Variants in CLMN observed in about 807,000 individuals in gnomAD.
CLMN encodes calmin.
In CLMN, 57 loss-of-function variants were observed where a neutral mutation model predicts 92.7. The observed-to-expected ratio is 0.61, with a 90% CI of 0.50 to 0.77. The LOEUF is 0.77. CLMN is among the 30% of genes least tolerant of loss of function. The pLI is 0.00. For synonymous variants in CLMN, 466 were observed against 470.6 expected (o/e 0.99, Z 0.13); for missense variants, 1,158 against 1,237.5 (o/e 0.94, Z 0.96).
At position 95,305,082 on chromosome 14, in the gene CLMN, A is replaced by G. The variant is rs116349480; in HGVS notation, c.82+14629T>C. 1.9e-3 allele frequency among the ~76,000 whole-genome samples: 287 copies of G among 152,342 alleles called. 3 individuals carry two copies. The highest frequency in any genetic ancestry group is 6.6e-3 in the African/African-American group (274 of 41,580). On this transcript the variant is annotated intron_variant, in intron 1 of 12. Coordinates refer to ENST00000298912, the MANE Select transcript of CLMN (RefSeq NM_024734.4). ...AACACGAAAGCTTCAGATCAAGCGA[A>G]GCCAAGAGAAAGGGTGCACAGGTCC...
At chr14:95,236,443 G>T (rs1158950069) in intron 1 of CLMN, among the ~76,000 whole-genome samples, 3 of 152,368 alleles carry the variant, frequency 2.0e-5, no homozygotes, top group Admixed American at 1.3e-4. Flanking sequence ...TCAGCCCGGG[G>T]TGATGGCTCC....
chr14:95,211,353 C>T lies in CLMN; in HGVS notation c.609-474G>A, dbSNP rs116289130. ...TTGCTGGGGCTTTTGTGGGGAAAGT[C>T]GAGCCTGGCCCCAGAAGAACGGCCA... On this transcript the variant is annotated intron_variant, in intron 6 of 12. Transcript: ENST00000298912. Among the ~76,000 whole-genome samples, 1,014 of 152,214 alleles carry T rather than the reference C, an allele frequency of 6.7e-3. 20 individuals are homozygous for T. Among genetic ancestry groups the T allele is most frequent in the African/African-American group, 0.023 (948 of 41,528 alleles).
chr14:95,208,001 C>T (rs939607314), intron 8 of CLMN, among the ~76,000 whole-genome samples: 5 of 152,110 alleles, frequency 3.3e-5, no homozygotes, highest in Admixed American at 1.3e-4. Flanking sequence ...TCCTTATTTT[C>T]GTTTATAAAA....
rs1373447946 is a variant in CLMN at position 95,203,101 on chromosome 14, G to T, written c.2248C>A (p.Leu750Ile). ...LEAYVEDPED[L>I]KNEEMDLEEP... Reference sequence around the variant, plus strand: ...TCGAGATCCATTTCTTCATTTTTTAGATCCTCCGGGTCTTCTACATAAGCC... The same window carrying T: ...TCGAGATCCATTTCTTCATTTTTTATATCCTCCGGGTCTTCTACATAAGCC... Residue 750 changes from leucine to isoleucine, a missense_variant, in exon 9 of 13, where the codon CTA (leucine) becomes ATA (isoleucine). Leu to Ile is a conservative substitution (Grantham distance 5). Transcript: ENST00000298912. 1.2e-6 allele frequency: 2 copies of T among 1,613,682 alleles called. No individual in the cohort carries two copies. The highest frequency in any genetic ancestry group is 1.7e-5 in the Admixed American group (1 of 60,032).
chr14:95,261,785 G>A (rs1396161138), intron 1 of CLMN, among the ~76,000 whole-genome samples: 1 of 152,220 alleles, frequency 6.6e-6, no homozygotes, highest in Non-Finnish European at 1.5e-5. Flanking sequence ...GGGCAGTTAT[G>A]CCCCAGATGA....
At chr14:95,201,318 G>C (rs1050335574) in intron 9 of CLMN, among the ~76,000 whole-genome samples, 1 of 151,800 alleles carries the variant, frequency 6.6e-6, no homozygotes, top group Non-Finnish European at 1.5e-5. Flanking sequence ...TCAGCTTGGA[G>C]ACCCTTGGGA....
intron 7 of CLMN, 71 bp from the exon 8 acceptor site, chr14:95,209,548 T>G (rs1306886822): frequency 1.7e-6 from 2 of 1,198,552 alleles, no homozygotes; most frequent in Non-Finnish European, 2.5e-6. Context: ...CCCGGATGCC[T>G]GATGGTGAAG....
chr14:95,258,954 GTGTT>G (rs938025919), intron 1 of CLMN, among the ~76,000 whole-genome samples: 1 of 150,840 alleles, frequency 6.6e-6, no homozygotes, highest in Non-Finnish European at 1.5e-5. Flanking sequence ...AATGGAGTAT[GTGTT>G]TGTGTGTATG....
intron 4 of CLMN, among the ~76,000 whole-genome samples, chr14:95,216,930 C>T (rs914872911): frequency 1.3e-5 from 2 of 152,152 alleles, no homozygotes; most frequent in Non-Finnish European, 2.9e-5. Context: ...AGTAAGTGCG[C>T]CAGGTGATTC....
intron 1 of CLMN, among the ~76,000 whole-genome samples, chr14:95,244,750 G>C (rs1430582998): frequency 6.6e-6 from 1 of 152,048 alleles, no homozygotes; most frequent in Non-Finnish European, 1.5e-5. Flanking sequence ...ATCTATGCAG[G>C]AGATGAGAAC....
rs1161607221 is a variant in CLMN at position 95,185,625 on chromosome 14, C to T, written c.*5939G>A. 1 of 152,204 alleles carries T rather than the reference C, an allele frequency of 6.6e-6. No individual in the cohort carries two copies. The highest frequency in any genetic ancestry group is 1.5e-5 in the Non-Finnish European group (1 of 68,076). 9.4% of individuals were successfully genotyped at this position (152,204 alleles called of 1,614,324 possible). ...GGCCTCACAGGGCTTTGTGCAGTCT[C>T]ATTTCCTGGCTGAGAAGGTCCCGAG... On this transcript the variant is annotated 3_prime_UTR_variant, in exon 13 of 13. Transcript: ENST00000298912.
In CLMN at chr14:95,182,055, TA is replaced by T. The variant is rs1896339404; in HGVS notation, c.*9508del. ...TAATAGAAAACAGTCAAATAACAAA[TA>T]CTCCAGTTAATTCCCACAGGTATAA... On this transcript the variant is annotated 3_prime_UTR_variant, in exon 13 of 13. Transcript: ENST00000298912. 6.6e-6 allele frequency: 1 copy of T among 152,230 alleles called. No individual in the cohort carries two copies. Among genetic ancestry groups the T allele is most frequent in the Admixed American group, 6.5e-5 (1 of 15,286 alleles). 9.4% of individuals were successfully genotyped at this position (152,230 alleles called of 1,614,324 possible). A position where few individuals can be genotyped will look rare whatever the true frequency, so the allele number is the denominator to read the frequency against.
intron 1 of CLMN, among the ~76,000 whole-genome samples, chr14:95,240,352 C>T (rs1052238239): frequency 6.6e-6 from 1 of 152,158 alleles, no homozygotes; most frequent in Non-Finnish European, 1.5e-5. Context: ...TGTGGCATGA[C>T]CAAGTTCCAG....
intron 1 of CLMN, among the ~76,000 whole-genome samples, chr14:95,242,049 C>A (rs1229016199): frequency 6.6e-6 from 1 of 151,894 alleles, no homozygotes; most frequent in Non-Finnish European, 1.5e-5. Context: ...TGGGCAGAAA[C>A]CCTGTAGGTT....
At chr14:95,288,997 C>T (rs1319804916) in intron 1 of CLMN, among the ~76,000 whole-genome samples, 12 of 152,214 alleles carry the variant, frequency 7.9e-5, no homozygotes, top group Admixed American at 7.2e-4. Context: ...AATCAACATT[C>T]AGCATGGTGC....
Position 95,203,986 on chromosome 14 carries a change from C to G in CLMN, c.1363G>C (p.Glu455Gln). 1 of 1,614,198 alleles carries G rather than the reference C, an allele frequency of 6.2e-7. No individual in the cohort carries two copies. Among genetic ancestry groups the G allele is most frequent in the South Asian group, 1.1e-5 (1 of 91,084 alleles). ...CFEGSPRVAKESLRQDGHVLA... is the reference protein window; with the variant it reads ...CFEGSPRVAKQSLRQDGHVLA... ...ACATGTCCATCCTGCCTCAATGATT[C>G]CTTTGCCACTCTTGGGCTCCCTTCA... is the stretch of plus-strand genomic sequence containing the variant. Residue 455 changes from glutamate (E) to glutamine (Q), a missense_variant, in exon 9 of 13, where the codon GAA becomes CAA. Glu to Gln is a conservative substitution (Grantham distance 29, BLOSUM62 2). Coordinates refer to ENST00000298912, the MANE Select transcript of CLMN (RefSeq NM_024734.4).
intron 1 of CLMN, among the ~76,000 whole-genome samples, chr14:95,245,225 T>TAATATATATATATATAATA (rs1491192837): frequency 4.9e-4 from 12 of 24,346 alleles, no homozygotes; most frequent in African/African-American, 3.2e-3. Flanking sequence ...TATATATATA[T>TAATATATATATATATAATA]TATATATATA....
rs1467973525 is a variant in CLMN, at chr14:95,268,742, T to A, written c.83-38609A>T. ...TACTGCACTGTAGCTATGAAAGAGG[T>A]TACCACTGCAGAAACTAGTGAGGGT... On this transcript the variant is annotated intron_variant, in intron 1 of 12. Transcript: ENST00000298912. Among the ~76,000 whole-genome samples, 7 of 150,448 alleles carry A rather than the reference T, an allele frequency of 4.7e-5. No individual in the cohort carries two copies. In the East Asian group the frequency reaches 1.4e-3, roughly 29 times the overall value.
At chr14:95,318,026 C>T (rs2140810042) in intron 1 of CLMN, among the ~76,000 whole-genome samples, 1 of 152,240 alleles carries the variant, frequency 6.6e-6, no homozygotes, top group South Asian at 2.1e-4. Flanking sequence ...TCTGTAAAGC[C>T]TTCTCCCACC....
Sources: gnomAD v4.1 joint callset for allele counts (sites outside exome capture counted in the v4.1 genomes callset) on GRCh38, gnomAD v4.1.1 for gene constraint, MANE v1.5 for transcripts, NCBI Gene and HGNC (gene_info 2026-07-23, HGNC 2026-07-21) for gene names.